Variants in NALF1 observed in about 807,000 individuals in gnomAD.
The protein encoded by NALF1 is NALCN channel auxiliary factor 1, also known as family with sequence similarity 155 member A.
NALF1 carries 3 observed loss-of-function variants against 48.4 expected under a neutral mutation model. That is an observed-to-expected ratio of 0.06 (90% CI 0.03 to 0.16). NALF1 has a LOEUF of 0.16. Ranked by LOEUF, NALF1 falls within the 10% of genes least tolerant of loss-of-function variation. The probability of loss-of-function intolerance (pLI) is 1.00; values close to 1 mark genes in which losing one functional copy is unlikely to be tolerated. For synonymous variants in NALF1, 262 were observed against 245.7 expected (o/e 1.07, Z -0.62); for missense variants, 526 against 571.5 (o/e 0.92, Z 0.81).
chr13:107,664,672 A>G (rs1453976253), intron 1 of NALF1, among the ~76,000 whole-genome samples: 1 of 152,154 alleles, frequency 6.6e-6, no homozygotes, highest in African/African-American at 2.4e-5. Flanking sequence ...ACAAATACAA[A>G]CACAAGGAAA....
chr13:107,525,307 T>C (rs539293474), intron 1 of NALF1, among the ~76,000 whole-genome samples: 2 of 152,218 alleles, frequency 1.3e-5, no homozygotes, highest in Admixed American at 1.3e-4. Context: ...TGGTCAATAA[T>C]CTGTTCTCAT....
At position 107,166,471 on chromosome 13, in the gene NALF1, A is replaced by C. The variant is rs1878661708; in HGVS notation, c.*4026T>G. On this transcript the variant is annotated 3_prime_UTR_variant, in exon 3 of 3. Transcript: ENST00000375915. ...AAATTAAATACCTGACTGCAGTTCTAAATAAATAAAACAAAATGCAGCTTT... is the reference window on the plus strand; with the variant it reads ...AAATTAAATACCTGACTGCAGTTCTCAATAAATAAAACAAAATGCAGCTTT... 6.6e-6 allele frequency: 1 copy of C among 152,200 alleles called. No homozygotes were observed. Among genetic ancestry groups the C allele is most frequent in the Non-Finnish European group, 1.5e-5 (1 of 68,024 alleles). The allele number at this position is 152,200 out of a possible 1,614,324, so 9.4% of individuals were successfully genotyped here. A position where few individuals can be genotyped will look rare whatever the true frequency, so the allele number is the denominator to read the frequency against.
At chr13:107,437,898 C>T (rs1884488885) in intron 1 of NALF1, among the ~76,000 whole-genome samples, 1 of 152,086 alleles carries the variant, frequency 6.6e-6, no homozygotes, top group African/African-American at 2.4e-5. Flanking sequence ...CAAATATTGA[C>T]CTTTGAAGCA....
chr13:107,223,355 C>A (rs1880033797), intron 1 of NALF1, among the ~76,000 whole-genome samples: 1 of 151,718 alleles, frequency 6.6e-6, no homozygotes, highest in Non-Finnish European at 1.5e-5. Context: ...TTTTTGCAGT[C>A]ATAAATGTTC....
At chr13:107,605,796 G>C (rs1879050576) in intron 1 of NALF1, among the ~76,000 whole-genome samples, 1 of 152,198 alleles carries the variant, frequency 6.6e-6, no homozygotes, top group Admixed American at 6.5e-5. Context: ...TCTCTGTACA[G>C]TGAAACATAT....
intron 1 of NALF1, among the ~76,000 whole-genome samples, chr13:107,581,276 CA>C (rs1019231806): frequency 4.6e-5 from 7 of 151,984 alleles, no homozygotes; most frequent in South Asian, 2.1e-4. Flanking sequence ...TTTGTGTAAA[CA>C]AAAAAGTAAC....
chr13:107,546,163 G>A (rs1392594222), intron 1 of NALF1, among the ~76,000 whole-genome samples: 1 of 152,076 alleles, frequency 6.6e-6, no homozygotes, highest in Non-Finnish European at 1.5e-5. Context: ...CTTGCACCCT[G>A]GGGCCAGTGT....
At chr13:107,567,598 C>T (rs566617025) in intron 1 of NALF1, among the ~76,000 whole-genome samples, 66 of 152,308 alleles carry the variant, frequency 4.3e-4, no homozygotes, top group Non-Finnish European at 6.8e-4. Flanking sequence ...ATGTCTAATA[C>T]CCCTAGAACT....
intron 1 of NALF1, among the ~76,000 whole-genome samples, chr13:107,236,671 G>GTCTATCTATCTATCTA (rs72391192): frequency 2.8e-5 from 4 of 140,628 alleles, no homozygotes; most frequent in Non-Finnish European, 3.1e-5. Context: ...CCATCTGTCT[G>GTCTATCTATCTATCTA]TCTATCTATC....
At chr13:107,734,641 A>T (rs981745805) in intron 1 of NALF1, among the ~76,000 whole-genome samples, 10 of 152,290 alleles carry the variant, frequency 6.6e-5, no homozygotes, top group Middle Eastern at 3.4e-3. Context: ...TTCTGATAAT[A>T]GATGGGTGAC....
At chr13:107,449,736 C>A (rs927499239) in intron 1 of NALF1, among the ~76,000 whole-genome samples, 6 of 152,092 alleles carry the variant, frequency 3.9e-5, no homozygotes, top group Non-Finnish European at 7.4e-5. Context: ...AGCCAATTTT[C>A]GCACGGCACT....
intron 1 of NALF1, among the ~76,000 whole-genome samples, chr13:107,280,118 A>G (rs770463185): frequency 6.6e-6 from 1 of 152,124 alleles, no homozygotes; most frequent in Non-Finnish European, 1.5e-5. Context: ...TATTCTATAT[A>G]TTCTCCATCC....
intron 1 of NALF1, among the ~76,000 whole-genome samples, chr13:107,495,865 G>A (rs909266759): frequency 3.3e-5 from 5 of 152,068 alleles, no homozygotes; most frequent in Admixed American, 2.6e-4. Context: ...AATTACTAGA[G>A]TAAAAACCAG....
At chr13:107,275,411 G>C (rs1881260118) in intron 1 of NALF1, among the ~76,000 whole-genome samples, 1 of 146,356 alleles carries the variant, frequency 6.8e-6, no homozygotes, top group African/African-American at 2.4e-5. Context: ...TTCTGCACTT[G>C]ACAGACCAAT....
chr13:107,866,397 G>A lies in NALF1; in HGVS notation c.200C>T (p.Ala67Val). 6.2e-7 allele frequency: 1 copy of A among 1,613,772 alleles called. No individual in the cohort carries two copies. The highest frequency in any genetic ancestry group is 8.5e-7 in the Non-Finnish European group (1 of 1,179,984). Residue 67 changes from alanine (A) to valine (V), a missense_variant, in exon 1 of 3, where the codon GCC becomes GTC. Transcript: ENST00000375915. The surrounding 1 kb of genome is among the most constrained non-coding windows in gnomAD (Gnocchi z 4.4). ...CTGCTGCTGGTGCTCCTTGTCCCGG[G>A]CCCGGGTCAGCTTGGCCTCGGCGCA... ...WFCAEAKLTRARDKEHQQQQR... is the reference protein window; with the variant it reads ...WFCAEAKLTRVRDKEHQQQQR...
intron 1 of NALF1, among the ~76,000 whole-genome samples, chr13:107,233,021 T>C (rs1433924918): frequency 6.6e-6 from 1 of 152,150 alleles, no homozygotes; most frequent in Non-Finnish European, 1.5e-5. Context: ...CCACCTTCAG[T>C]CCCCATATTC....
intron 1 of NALF1, among the ~76,000 whole-genome samples, chr13:107,817,018 C>G (rs1328489330): frequency 2.0e-5 from 3 of 152,080 alleles, no homozygotes; most frequent in African/African-American, 7.2e-5. Context: ...TTAATCTCTT[C>G]AGAACTTAAC....
chr13:107,364,305 A>G (rs1247734361), intron 1 of NALF1, among the ~76,000 whole-genome samples: 1 of 152,244 alleles, frequency 6.6e-6, no homozygotes, highest in East Asian at 1.9e-4. Context: ...GAAATTACTT[A>G]ATTTTTTAGA....
intron 1 of NALF1, among the ~76,000 whole-genome samples, chr13:107,522,539 C>T (rs1024218398): frequency 1.3e-5 from 2 of 151,256 alleles, no homozygotes; most frequent in Admixed American, 6.6e-5. Context: ...ATAAACTTTC[C>T]TTCAGTTCAT....
Sources: allele counts gnomAD v4.1 joint callset (sites outside exome capture counted in the v4.1 genomes callset), GRCh38; gene constraint gnomAD v4.1.1; non-coding constraint Gnocchi (gnomAD v3.1); transcripts MANE v1.5; gene names NCBI Gene and HGNC (gene_info 2026-07-23, HGNC 2026-07-21).